THRB: variants seen among roughly 807,000 people sequenced by gnomAD.
THRB encodes thyroid hormone receptor beta.
A neutral mutation model predicts 47.8 loss-of-function variants in THRB; 12 were observed. The observed-to-expected ratio is 0.25, with a 90% CI of 0.16 to 0.41. The LOEUF is 0.41. Among genes scored for constraint, THRB ranks in the 10% least tolerant of loss-of-function variants. The pLI, the probability that THRB is intolerant of heterozygous loss-of-function variation, is 1.00. For missense variants in THRB, 348 were observed against 589.2 expected (o/e 0.59, Z 4.24); for synonymous variants, 218 against 212.2 (o/e 1.03, Z -0.24).
At chr3:24,352,260 A>C (rs1450296197) in intron 1 of THRB, among the ~76,000 whole-genome samples, 1 of 152,160 alleles carries the variant, frequency 6.6e-6, no homozygotes, top group Non-Finnish European at 1.5e-5. Context: ...TATTAAACAA[A>C]ACTTCCATAC....
chr3:24,266,979 T>A, intron 3 of THRB, among the ~76,000 whole-genome samples: 1 of 151,798 alleles, frequency 6.6e-6, no homozygotes, highest in East Asian at 1.9e-4. Context: ...AATAGCTCCA[T>A]CTATAAAGAA....
intron 2 of THRB, among the ~76,000 whole-genome samples, chr3:24,328,342 A>T (rs1486198221): frequency 6.6e-6 from 1 of 152,228 alleles, no homozygotes; most frequent in Non-Finnish European, 1.5e-5. Flanking sequence ...CAAGTGATTA[A>T]TATCTAGATA....
chr3:24,245,601 T>G (rs916735414), intron 3 of THRB, among the ~76,000 whole-genome samples: 9 of 152,130 alleles, frequency 5.9e-5, no homozygotes, highest in African/African-American at 2.2e-4. Context: ...CAATTTTCTC[T>G]GTCAAGATCC....
At position 24,261,486 on chromosome 3, in the gene THRB, C is replaced by T. The variant is rs186858482; in HGVS notation, c.-42-32485G>A. Among the ~76,000 whole-genome samples, 713 of 115,098 alleles carry T rather than the reference C, an allele frequency of 6.2e-3. 7 individuals are homozygous for T. The highest frequency in any genetic ancestry group is 0.023 in the African/African-American group (672 of 29,788). The allele number at this position is 115,098 out of a possible 152,430, so 75.5% of individuals were successfully genotyped here. ...TGCACTCCAGCCTGACAACAGAGCG[C>T]GATTCTGTCTCAAAAAAAAAAAAAA... On this transcript the variant is annotated intron_variant, in intron 3 of 10. Coordinates refer to ENST00000646209, the MANE Select transcript of THRB (RefSeq NM_001354712.2).
At chr3:24,269,277 C>CCCCA (rs2052989432) in intron 3 of THRB, among the ~76,000 whole-genome samples, 1 of 140,686 alleles carries the variant, frequency 7.1e-6, no homozygotes, top group Admixed American at 7.2e-5. Flanking sequence ...AATGGATACA[C>CCCCA]CACACACACA....
At chr3:24,308,832 T>G (rs1403869282) in intron 2 of THRB, among the ~76,000 whole-genome samples, 1 of 152,222 alleles carries the variant, frequency 6.6e-6, no homozygotes, top group Non-Finnish European at 1.5e-5. Flanking sequence ...TCTTCTTCAT[T>G]TATGGAATAG....
intron 3 of THRB, among the ~76,000 whole-genome samples, chr3:24,289,177 G>A (rs2150954882): frequency 6.6e-6 from 1 of 152,290 alleles, no homozygotes; most frequent in Middle Eastern, 3.4e-3. Flanking sequence ...CTGCCTATTA[G>A]CTGCATGAAT....
At chr3:24,266,188 T>G (rs1169129869) in intron 3 of THRB, among the ~76,000 whole-genome samples, 2 of 152,160 alleles carry the variant, frequency 1.3e-5, no homozygotes, top group African/African-American at 4.8e-5. Context: ...TGCCCTCTTT[T>G]AACACTTAAT....
In THRB at chr3:24,174,021, A is replaced by T. The variant is rs185096583; in HGVS notation, c.283+16053T>A. ...CAGCAGCTATGACTGGCCACATTTT[A>T]AAAAAAATTTTTATTTTACTTCAAG... On this transcript the variant is annotated intron_variant, in intron 5 of 10. Transcript: ENST00000646209. Among the ~76,000 whole-genome samples the T allele has an allele frequency of 3.2e-3, 486 of 150,790 alleles. 8 individuals carry two copies. The highest frequency in any genetic ancestry group is 3.4e-3 in the Middle Eastern group (1 of 294).
chr3:24,476,447 TTCAA>T (rs1695461637), intron 1 of THRB, among the ~76,000 whole-genome samples: 1 of 152,254 alleles, frequency 6.6e-6, no homozygotes, highest in African/African-American at 2.4e-5. Flanking sequence ...GGTTGCCATC[TTCAA>T]TCAGAGGAAC....
intron 3 of THRB, among the ~76,000 whole-genome samples, chr3:24,281,855 TA>T (rs932953933): frequency 2.0e-5 from 3 of 151,406 alleles, no homozygotes; most frequent in African/African-American, 7.3e-5. Context: ...TATTTAATGG[TA>T]AAGGGATCAA....
chr3:24,229,529 C>T (rs1259437529), intron 3 of THRB, among the ~76,000 whole-genome samples: 1 of 152,164 alleles, frequency 6.6e-6, no homozygotes, highest in Non-Finnish European at 1.5e-5. Flanking sequence ...TCTCATCTGC[C>T]CATTTATGAC....
At chr3:24,164,691 ACAC>A (rs1210844227) in intron 5 of THRB, among the ~76,000 whole-genome samples, 36 of 152,314 alleles carry the variant, frequency 2.4e-4, no homozygotes, top group Non-Finnish European at 4.4e-4. Context: ...CTCACTTCAA[ACAC>A]CACAACACCT....
chr3:24,301,852 G>A (rs756695395), intron 2 of THRB, among the ~76,000 whole-genome samples: 1 of 152,184 alleles, frequency 6.6e-6, no homozygotes, highest in Non-Finnish European at 1.5e-5. Context: ...ATCCTTGAGC[G>A]GCAGATGTCA....
chr3:24,126,021 G>T (rs752385094), intron 10 of THRB, among the ~76,000 whole-genome samples: 8 of 152,068 alleles, frequency 5.3e-5, no homozygotes, highest in Admixed American at 2.0e-4. Context: ...ATAATAAAAA[G>T]AATTATTTCT....
At chr3:24,262,268 C>T (rs954117799) in intron 3 of THRB, among the ~76,000 whole-genome samples, 1 of 152,222 alleles carries the variant, frequency 6.6e-6, no homozygotes, top group Non-Finnish European at 1.5e-5. Flanking sequence ...TATCATCTCT[C>T]ACCTGGATTT....
intron 5 of THRB, chr3:24,165,533 T>C: frequency 1.7e-6 from 1 of 572,898 alleles, no homozygotes; most frequent in Non-Finnish European, 3.1e-6. Flanking sequence ...CCTGCTTTAC[T>C]TTGTAATAGC....
intron 2 of THRB, among the ~76,000 whole-genome samples, chr3:24,305,445 C>A (rs1202944855): frequency 6.6e-6 from 1 of 152,120 alleles, no homozygotes; most frequent in African/African-American, 2.4e-5. Context: ...ATAGAAGTTG[C>A]ATGTGTAGGG....
At chr3:24,263,496 T>C (rs896691221) in intron 3 of THRB, among the ~76,000 whole-genome samples, 2 of 152,082 alleles carry the variant, frequency 1.3e-5, no homozygotes, top group Non-Finnish European at 2.9e-5. Context: ...ATATATCTTA[T>C]ATGTCCAGTT....
Sources: allele counts gnomAD v4.1 joint callset (sites outside exome capture counted in the v4.1 genomes callset), GRCh38; gene constraint gnomAD v4.1.1; transcripts MANE v1.5; gene names NCBI Gene and HGNC (gene_info 2026-07-23, HGNC 2026-07-21).